GLI3: variants seen among roughly 807,000 people sequenced by gnomAD.
GLI3 encodes GLI family zinc finger 3.
GLI3 carries 20 observed loss-of-function variants against 100.8 expected under a neutral mutation model. The ratio of observed to expected loss-of-function variants is 0.20; its 90% confidence interval spans 0.14 to 0.29. The LOEUF (loss-of-function observed/expected upper bound fraction) is 0.29, where lower values mean the gene tolerates loss of function less well. Ranked by LOEUF, GLI3 falls within the 10% of genes least tolerant of loss-of-function variation. GLI3 has a pLI of 1.00. For missense variants in GLI3, 2,040 were observed against 2,128.5 expected, an observed-to-expected ratio of 0.96 and a Z score of 0.82; for synonymous variants, 938 against 860.5, an observed-to-expected ratio of 1.09 and a Z score of -1.58.
chr7:42,048,737 A>ACAAATATCTC, intron 4 of GLI3, 41 bp from the exon 5 acceptor site: 1 of 1,261,586 alleles, frequency 7.9e-7, no homozygotes, highest in African/African-American at 1.5e-5. Context: ...TATGCATGAG[A>ACAAATATCTC]CAAATATCTC....
intron 3 of GLI3, among the ~76,000 whole-genome samples, chr7:42,114,440 G>GA (rs55738831): frequency 3.6e-4 from 53 of 145,956 alleles, no homozygotes; most frequent in Admixed American, 1.6e-3. Context: ...TTTGGCTTGG[G>GA]AAAAAAAAAA....
chr7:42,121,161 C>T (rs1383277017), intron 3 of GLI3, among the ~76,000 whole-genome samples: 1 of 152,218 alleles, frequency 6.6e-6, no homozygotes, highest in East Asian at 1.9e-4. Context: ...CAGTGTTCCC[C>T]TCTTAATGAC....
chr7:42,034,220 C>T (rs1453989480), intron 7 of GLI3, among the ~76,000 whole-genome samples: 2 of 152,212 alleles, frequency 1.3e-5, no homozygotes, highest in South Asian at 2.1e-4. Flanking sequence ...CCCGCCAATG[C>T]TTTTCACCAT....
intron 10 of GLI3, among the ~76,000 whole-genome samples, chr7:41,979,434 G>T (rs1019768675): frequency 2.0e-5 from 3 of 152,194 alleles, no homozygotes; most frequent in African/African-American, 7.2e-5. Context: ...TTCACTAGTT[G>T]CTAAGGGACT....
At chr7:42,189,004 A>G (rs1407957823) in intron 2 of GLI3, among the ~76,000 whole-genome samples, 1 of 152,150 alleles carries the variant, frequency 6.6e-6, no homozygotes, top group East Asian at 1.9e-4. Context: ...TTTGGGTGAT[A>G]ATGCGATGTC....
intron 3 of GLI3, among the ~76,000 whole-genome samples, chr7:42,103,640 A>G (rs550523329): frequency 6.6e-6 from 1 of 152,290 alleles, no homozygotes; most frequent in Admixed American, 6.5e-5. Context: ...CTTAACACAC[A>G]TGACCTCACC....
chr7:42,177,179 T>C (rs952881940), intron 2 of GLI3, among the ~76,000 whole-genome samples: 7 of 151,978 alleles, frequency 4.6e-5, no homozygotes, highest in Admixed American at 2.0e-4. Flanking sequence ...GTGAGAGTGA[T>C]AGAAAGAGAG....
intron 7 of GLI3, among the ~76,000 whole-genome samples, chr7:42,026,700 T>C (rs1467639655): frequency 6.6e-6 from 1 of 152,164 alleles, no homozygotes; most frequent in African/African-American, 2.4e-5. Flanking sequence ...AATAACAAAC[T>C]TTATATAAAA....
At chr7:42,254,940 C>T (rs1209067520) in intron 1 of GLI3, among the ~76,000 whole-genome samples, 40 of 144,370 alleles carry the variant, frequency 2.8e-4, no homozygotes, top group South Asian at 4.5e-4. Context: ...CAAAATTTTT[C>T]CTGTAATGAA....
intron 2 of GLI3, among the ~76,000 whole-genome samples, chr7:42,193,766 T>C (rs1787873932): frequency 1.3e-5 from 2 of 152,188 alleles, no homozygotes; most frequent in African/African-American, 4.8e-5. Flanking sequence ...CTTATTTTTA[T>C]TTCTTTAAAA....
chr7:42,089,320 T>C (rs2128756024), intron 3 of GLI3, among the ~76,000 whole-genome samples: 1 of 152,344 alleles, frequency 6.6e-6, no homozygotes, highest in East Asian at 1.9e-4. Context: ...CTGCTTCTCA[T>C]GCTTCTTTGC....
chr7:42,111,282 AC>A (rs1785699889), intron 3 of GLI3, among the ~76,000 whole-genome samples: 1 of 152,200 alleles, frequency 6.6e-6, no homozygotes, highest in Non-Finnish European at 1.5e-5. Context: ...GTACCAGCGA[AC>A]TACAGCATAA....
At chr7:42,257,408 T>C (rs1307254526) in intron 1 of GLI3, among the ~76,000 whole-genome samples, 1 of 147,826 alleles carries the variant, frequency 6.8e-6, no homozygotes, top group East Asian at 2.0e-4. Context: ...CAGGCTGGAG[T>C]GCAGTGGCTC....
chr7:41,965,027 C>T lies in GLI3; in HGVS notation c.4046G>A (p.Ser1349Asn), dbSNP rs1222983446. 5 of 1,613,924 alleles carry T rather than the reference C, an allele frequency of 3.1e-6. No homozygotes were observed. In the South Asian group the frequency reaches 4.4e-5, roughly 14 times the overall value. The change falls in exon 15 of 15, where the codon AGT (serine) becomes AAT (asparagine). Residue 1349 changes from serine (S) to asparagine (N), a missense_variant. Ser to Asn is a conservative substitution (Grantham distance 46). Around this residue, in one of 5 missense-constraint regions of GLI3, gnomAD observed 1,041 missense variants for 924.0 expected, o/e 1.13. Coordinates refer to ENST00000395925, the MANE Select transcript of GLI3 (RefSeq NM_000168.6). Reference protein sequence around the residue: ...RPGQQMLGQISATSHINIYQG... With the variant: ...RPGQQMLGQINATSHINIYQG... ...GTAGATGTTGATGTGTGAGGTAGCA[C>T]TAATCTGCCCAAGCATCTGCTGACC... is the stretch of plus-strand genomic sequence containing the variant.
intron 2 of GLI3, among the ~76,000 whole-genome samples, chr7:42,200,070 T>C (rs989824253): frequency 6.6e-6 from 1 of 152,136 alleles, no homozygotes; most frequent in Non-Finnish European, 1.5e-5. Context: ...AAAGGACCTA[T>C]ACCTAAGGCC....
At chr7:42,143,428 C>A (rs1313056329) in intron 3 of GLI3, among the ~76,000 whole-genome samples, 1 of 152,148 alleles carries the variant, frequency 6.6e-6, no homozygotes, top group African/African-American at 2.4e-5. Context: ...CTCAAGATGA[C>A]ACTTGGATAG....
At chr7:41,978,850 A>G in intron 10 of GLI3, 102 bp from the exon 11 acceptor site, 3 of 986,896 alleles carry the variant, frequency 3.0e-6, no homozygotes, top group South Asian at 1.4e-5. Context: ...TAAAAATTCT[A>G]AAGACCACAA....
At chr7:42,223,335 G>GTAA in intron 1 of GLI3, 40 bp from the exon 2 acceptor site, 7 of 932,346 alleles carry the variant, frequency 7.5e-6, no homozygotes, top group African/African-American at 1.9e-5. Context: ...CCAAAATGGT[G>GTAA]GAAAAAAAAA....
intron 3 of GLI3, among the ~76,000 whole-genome samples, chr7:42,079,759 A>C (rs1031447346): frequency 2.6e-5 from 4 of 152,176 alleles, no homozygotes; most frequent in Non-Finnish European, 5.9e-5. Flanking sequence ...TGCATGATGA[A>C]ATTCTCTCCA....
Sources: gnomAD v4.1 joint callset for allele counts (sites outside exome capture counted in the v4.1 genomes callset) on GRCh38, gnomAD v4.1.1 for gene constraint, gnomAD v4.1.1 regional missense constraint, MANE v1.5 for transcripts, NCBI Gene and HGNC (gene_info 2026-07-23, HGNC 2026-07-21) for gene names.